The following HESX1 variants were observed in gnomAD, a reference collection of about 807,000 sequenced individuals.
The protein encoded by HESX1 is homeobox expressed in ES cells 1.
In HESX1, 11 loss-of-function variants were observed where a neutral mutation model predicts 22.5. That is an observed-to-expected ratio of 0.49 (90% CI 0.31 to 0.81). The LOEUF is 0.81. Ranked by LOEUF, HESX1 falls within the 30% of genes least tolerant of loss-of-function variation. The probability of loss-of-function intolerance (pLI) is 0.05; values close to 1 mark genes in which losing one functional copy is unlikely to be tolerated. For synonymous variants in HESX1, 74 were observed against 76.5 expected (o/e 0.97, Z 0.17); for missense variants, 201 against 212.6 (o/e 0.95, Z 0.34).
chr3:57,224,744 T>C (rs1251828974), intron 1 of HESX1, among the ~76,000 whole-genome samples: 1 of 152,258 alleles, frequency 6.6e-6, no homozygotes, highest in Admixed American at 6.5e-5. Context: ...TCTTTCCTAT[T>C]ACAGATCACA....
At chr3:57,205,004 A>G (rs1348603568) in intron 1 of HESX1, among the ~76,000 whole-genome samples, 1 of 152,148 alleles carries the variant, frequency 6.6e-6, no homozygotes, top group Non-Finnish European at 1.5e-5. Flanking sequence ...TTACAATAGC[A>G]TCTCTAGTGG....
At chr3:57,213,784 G>A (rs1389140906) in intron 1 of HESX1, among the ~76,000 whole-genome samples, 3 of 151,916 alleles carry the variant, frequency 2.0e-5, no homozygotes, top group African/African-American at 7.3e-5. Context: ...ACTTAGCTGC[G>A]GTGGCAGGCA....
chr3:57,225,034 C>T lies in HESX1; in HGVS notation c.-111+1262G>A, dbSNP rs77338190. On this transcript the variant is annotated intron_variant, in intron 1 of 2. Transcript: ENST00000495160. ...AGTAACCCCTAAGGCATTCTCTGAA[C>T]AAGCCTCATTTCCTGTATGAAAGAA... 6.4e-3 allele frequency among the ~76,000 whole-genome samples: 977 copies of T among 152,322 alleles called. 10 individuals are homozygous for T. The highest frequency in any genetic ancestry group is 0.023 in the African/African-American group (937 of 41,576).
At chr3:57,224,135 G>A (rs1010279490) in intron 1 of HESX1, among the ~76,000 whole-genome samples, 3 of 152,052 alleles carry the variant, frequency 2.0e-5, no homozygotes, top group Non-Finnish European at 4.4e-5. Context: ...TGGGATAATA[G>A]GAACCTGCCA....
In HESX1 at chr3:57,199,868, T is replaced by G. The variant is rs1278719474; in HGVS notation, c.51A>C (p.Ser17=). 1.9e-6 allele frequency: 3 copies of G among 1,614,004 alleles called. No individual in the cohort carries two copies. The South Asian group carries it at 3.3e-5, about 18-fold the overall frequency. ...TTCTCTCAATTGAAAAGGAGCAAGT[T>G]GAGGGTTTGTTTTCCCCGAGCTGAG... ...EGAQLGENKP[S]TCSFSIERIL... Residue 17 remains serine (S), a synonymous_variant, in exon 1 of 4, where the codon TCA becomes TCC. Coordinates refer to ENST00000295934, the MANE Select transcript of HESX1 (RefSeq NM_003865.3).
upstream of HESX1, among the ~76,000 whole-genome samples, chr3:57,201,553 G>C (rs1202267686): frequency 2.6e-5 from 4 of 150,968 alleles, no homozygotes; most frequent in African/African-American, 9.8e-5. Context: ...TCACAGTGGT[G>C]CAGGGTGGGG....
At chr3:57,204,953 A>C (rs1215478047), upstream of HESX1, among the ~76,000 whole-genome samples, 3 of 152,170 alleles carry the variant, frequency 2.0e-5, no homozygotes, top group Admixed American at 2.0e-4. Flanking sequence ...GAGATACAAG[A>C]ATACAGTCAA....
At chr3:57,213,932 T>A (rs943130799) in intron 1 of HESX1, among the ~76,000 whole-genome samples, 18 of 152,042 alleles carry the variant, frequency 1.2e-4, no homozygotes, top group Non-Finnish European at 1.0e-4. Context: ...AATAAACAAA[T>A]AAATAAACTT....
chr3:57,210,363 A>G (rs2060546798), intron 1 of HESX1, among the ~76,000 whole-genome samples: 1 of 152,304 alleles, frequency 6.6e-6, no homozygotes. Context: ...TATTTCAATT[A>G]ATATCCAAAT....
At chr3:57,210,188 T>C (rs548493164) in intron 1 of HESX1, among the ~76,000 whole-genome samples, 10 of 152,230 alleles carry the variant, frequency 6.6e-5, no homozygotes, top group Admixed American at 2.0e-4. Context: ...AAGTCTGACA[T>C]ATTGACATTA....
chr3:57,209,073 T>C (rs767574628), intron 1 of HESX1, among the ~76,000 whole-genome samples: 12 of 152,340 alleles, frequency 7.9e-5, no homozygotes, highest in Admixed American at 3.3e-4. Context: ...GATTAGAACT[T>C]CTAAACCAAT....
rs747016694 is a variant in HESX1, at chr3:57,199,757, C to T, written c.157+5G>A. 8.7e-6 allele frequency: 14 copies of T among 1,613,628 alleles called. No individual in the cohort carries two copies. The highest frequency in any genetic ancestry group is 1.6e-4 in the Middle Eastern group (1 of 6,082). On this transcript the variant is annotated splice_donor_5th_base_variant and intron_variant, in intron 1 of 3. Transcript: ENST00000295934. ...AAGAATTGAAACAATTAAGCTGTGG[C>T]ATACCTGATGAGCTGCAGGTGTCTG...
chr3:57,206,884 C>T (rs2060522591), intron 1 of HESX1, among the ~76,000 whole-genome samples: 2 of 152,300 alleles, frequency 1.3e-5, no homozygotes, highest in South Asian at 4.1e-4. Context: ...CCAGCAGAAA[C>T]GAGATTTATA....
At chr3:57,202,716 T>A (rs920594341), upstream of HESX1, among the ~76,000 whole-genome samples, 1 of 152,142 alleles carries the variant, frequency 6.6e-6, no homozygotes, top group African/African-American at 2.4e-5. Flanking sequence ...GAACAAAACA[T>A]GCTAATTTCA....
intron 1 of HESX1, among the ~76,000 whole-genome samples, chr3:57,223,864 T>C (rs2060627978): frequency 6.6e-6 from 1 of 152,220 alleles, no homozygotes. Context: ...TTTAGATTGA[T>C]GGAGTCTTTT....
chr3:57,205,235 C>T (rs1295461337), intron 1 of HESX1, among the ~76,000 whole-genome samples: 1 of 151,854 alleles, frequency 6.6e-6, no homozygotes, highest in Non-Finnish European at 1.5e-5. Flanking sequence ...ACAGTGAGAC[C>T]CCAACTCTAC....
chr3:57,198,832 G>A lies in HESX1; in HGVS notation c.278C>T (p.Ala93Val), dbSNP rs1402191063. The A allele has an allele frequency of 6.2e-7, 1 of 1,614,044 alleles. No homozygotes were observed. ...RASKYENYFS[A>V]SERLSLKREL... is the part of the protein sequence containing the mutation. ...TCTTTTCAAAGACAGTCTTTCTGAG[G>A]CTGAAAAGTAATTTTCATATTTCGA... Residue 93 changes from alanine to valine, a missense_variant, in exon 2 of 4, where the codon GCC becomes GTC. Transcript: ENST00000295934.
At chr3:57,201,755 A>G (rs1298084370), upstream of HESX1, among the ~76,000 whole-genome samples, 3 of 151,902 alleles carry the variant, frequency 2.0e-5, no homozygotes, top group Admixed American at 2.0e-4. Flanking sequence ...GAAGGATGCC[A>G]CAGCGCATGC....
At chr3:57,206,885 G>A (rs1362419476) in intron 1 of HESX1, among the ~76,000 whole-genome samples, 1 of 152,128 alleles carries the variant, frequency 6.6e-6, no homozygotes, top group African/African-American at 2.4e-5. Flanking sequence ...CAGCAGAAAC[G>A]AGATTTATAG....
Sources: gnomAD v4.1 joint callset for allele counts (sites outside exome capture counted in the v4.1 genomes callset) on GRCh38, gnomAD v4.1.1 for gene constraint, MANE v1.5 for transcripts, NCBI Gene and HGNC (gene_info 2026-07-23, HGNC 2026-07-21) for gene names.